The following MYH3 variants were observed in gnomAD, a reference collection of about 807,000 sequenced individuals.
The protein encoded by MYH3 is myosin heavy chain 3, also known as myosin-3.
In MYH3, 130 loss-of-function variants were observed where a neutral mutation model predicts 238.0. That is an observed-to-expected ratio of 0.55 (90% confidence interval 0.47 to 0.63). The LOEUF (loss-of-function observed/expected upper bound fraction) is 0.63. Among genes scored for constraint, MYH3 ranks in the 30% least tolerant of loss-of-function variants. The probability of loss-of-function intolerance (pLI) is 0.00; values close to 1 mark genes in which losing one functional copy is unlikely to be tolerated. For synonymous variants in MYH3, 880 were observed against 924.1 expected (o/e 0.95, Z 0.86); for missense variants, 1,853 against 2,374.9 (o/e 0.78, Z 4.57).
chr17:10,634,704 G>T, intron 31 of MYH3, 136 bp downstream of exon 31: 1 of 1,026,170 alleles, frequency 9.7e-7, no homozygotes, highest in Non-Finnish European at 1.5e-6. Context: ...CTACAGCCCG[G>T]TGAAGTTCAG....
At chr17:10,637,701 C>G in intron 28 of MYH3, 108 bp downstream of exon 28, 1 of 1,458,748 alleles carries the variant, frequency 6.9e-7, no homozygotes, top group Non-Finnish European at 9.5e-7. Flanking sequence ...TGAAAAGATG[C>G]TTCCCTAGAG....
chr17:10,633,834 T>C, intron 32 of MYH3, 119 bp from the exon 33 acceptor site: 1 of 1,512,604 alleles, frequency 6.6e-7, no homozygotes, highest in Admixed American at 1.7e-5. Flanking sequence ...TCCTGCTTCC[T>C]AGAGATAAGA....
Position 10,638,276 on chromosome 17 carries a change from T to C in MYH3, c.3496A>G (p.Lys1166Glu), listed in dbSNP as rs2074235438. 1 of 1,613,822 alleles carries C rather than the reference T, an allele frequency of 6.2e-7. No homozygotes were observed. The highest frequency in any genetic ancestry group is 1.7e-5 in the Admixed American group (1 of 59,998). Residue 1166 changes from lysine (K) to glutamate (E), a missense_variant, in exon 27 of 41, where the codon AAG (lysine) becomes GAG (glutamate). Physicochemically the swap from Lys to Glu is moderately conservative, Grantham distance 56 (BLOSUM62 1). This residue lies in a region of MYH3 where 1,044 missense variants were observed against 1,192.6 expected (regional missense o/e 0.88). Coordinates refer to ENST00000583535, the MANE Select transcript of MYH3 (RefSeq NM_002470.4). ...GVTSTQIELNKKREAEFLKLR... is the reference protein window; with the variant it reads ...GVTSTQIELNEKREAEFLKLR... ...TTCAGGAACTCCGCCTCCCGCTTCT[T>C]GTTGAGCTCTATCTGCGTGGAGGTG...
In MYH3 at chr17:10,639,705, GCT is replaced by G. The variant is rs766768674; in HGVS notation, c.2778_2779del (p.Arg926SerfsTer2). ...AGCATTGATCTCCTCCTCATCTTCA[GCT>G]CTCTCTGTCACCTCCTTGATCTTGG... On this transcript the variant is annotated frameshift_variant, in exon 23 of 41. Coordinates refer to ENST00000583535, the MANE Select transcript of MYH3 (RefSeq NM_002470.4). LOFTEE classifies it high-confidence loss of function. 2 of 1,613,496 alleles carry G rather than the reference GCT, an allele frequency of 1.2e-6. No homozygotes were observed. Among genetic ancestry groups the G allele is most frequent in the Non-Finnish European group, 1.7e-6 (2 of 1,179,972 alleles).
At chr17:10,665,267 C>T in the MYH3 span, among the ~76,000 whole-genome samples, 3,156 of 152,078 alleles carry the variant, frequency 0.021, 115 homozygotes, top group African/African-American at 0.072. Flanking sequence ...CTCAGCCTCC[C>T]GAGTAGCTGG....
chr17:10,637,966 G>A, intron 27 of MYH3, 31 bp from the exon 28 acceptor site: 1 of 1,614,162 alleles, frequency 6.2e-7, no homozygotes, highest in Non-Finnish European at 8.5e-7. Context: ...AGCAAAGTCA[G>A]TCAGCAAAGT....
rs750537659 is a variant in MYH3, at chr17:10,645,876, T to C, written c.1003-31A>G. 7 of 1,613,900 alleles carry C rather than the reference T, an allele frequency of 4.3e-6. No individual in the cohort carries two copies. The Admixed American group carries it at 5.0e-5, about 12-fold the overall frequency. ...ATGGAAAGGGCAGCACGTCAGTCAGTTGGCCCCAGTGATGGAGGAGGAACA... is the reference window on the plus strand; with the variant it reads ...ATGGAAAGGGCAGCACGTCAGTCAGCTGGCCCCAGTGATGGAGGAGGAACA... On this transcript the variant is annotated intron_variant, in intron 11 of 40. Transcript: ENST00000583535.
chr17:10,651,747 G>GTTT lies in MYH3; in HGVS notation c.349-82_349-80dup, dbSNP rs370073463. Reference sequence around the variant, plus strand: ...ACCCCTTGCCTTTATTATTATTATTGTTTTTTTTTTTTTTTGAGACGGAGT... The same window carrying GTTT: ...ACCCCTTGCCTTTATTATTATTATTGTTTTTTTTTTTTTTTTTTGAGACGGAGT... On this transcript the variant is annotated intron_variant, in intron 4 of 40. Transcript: ENST00000583535. The GTTT allele has an allele frequency of 6.0e-3, 4,427 of 740,922 alleles. 7 individuals carry two copies. Among genetic ancestry groups the GTTT allele is most frequent in the South Asian group, 0.017 (541 of 32,462 alleles). 45.9% of individuals were successfully genotyped at this position (740,922 alleles called of 1,614,324 possible).
rs771964735 is a variant in MYH3 at position 10,640,212 on chromosome 17, G to A, written c.2466C>T (p.Phe822=). 9 of 1,614,190 alleles carry A rather than the reference G, an allele frequency of 5.6e-6. No individual in the cohort carries two copies. The highest frequency in any genetic ancestry group is 7.6e-6 in the Non-Finnish European group (9 of 1,180,042). ...IFCIQYNIRS[F]MNVKHWPWMK... The stretch of plus-strand genomic sequence containing the variant: ...TCCAGGGCCAGTGCTTGACGTTCAT[G>A]AATGAGCGAATGTTGTACTGGATGC... Residue 822 remains phenylalanine (F), a synonymous_variant, in exon 22 of 41, where the codon TTC becomes TTT. Transcript: ENST00000583535.
chr17:10,674,973 C>T, the MYH3 span: 1 of 152,314 alleles, frequency 6.6e-6, no homozygotes, highest in South Asian at 2.1e-4. Context: ...TGCTGCTCAC[C>T]ACAGCAGCCA....
At chr17:10,630,489 A>C (rs2074145242) in intron 36 of MYH3, 31 bp from the exon 37 acceptor site, 4 of 1,613,864 alleles carry the variant, frequency 2.5e-6, no homozygotes, top group African/African-American at 1.3e-5. Context: ...GCTAGGATGC[A>C]GAGGAAGCTC....
chr17:10,633,903 G>T, intron 32 of MYH3, 114 bp downstream of exon 32: 1 of 1,479,566 alleles, frequency 6.8e-7, no homozygotes, highest in Non-Finnish European at 9.4e-7. Flanking sequence ...TTCTGCATGT[G>T]CATTAACACA....
intron 28 of MYH3, 41 bp from the exon 29 acceptor site, chr17:10,635,894 CATTCACTCACCAACTTTCT>C: frequency 6.6e-7 from 1 of 1,520,560 alleles, no homozygotes; most frequent in East Asian, 2.3e-5. Context: ...TTTATTCACT[CATTCACTCACCAACTTTCT>C]ATTATGTGTA....
At chr17:10,669,981 C>A in the MYH3 span, among the ~76,000 whole-genome samples, 3 of 152,122 alleles carry the variant, frequency 2.0e-5, no homozygotes, top group Non-Finnish European at 4.4e-5. Flanking sequence ...TGATTTAAGG[C>A]ACAAGAGAGA....
rs2074161250 is a variant in MYH3, at chr17:10,631,798, T to G, written c.5160+15A>C. ...GAGGCTGGAACCTCGCCTCTCTTCC[T>G]CTCCCTCCCCTCACCTGGGTATGCA... On this transcript the variant is annotated intron_variant, in intron 35 of 40. Coordinates refer to ENST00000583535, the MANE Select transcript of MYH3 (RefSeq NM_002470.4). 2 of 1,614,044 alleles carry G rather than the reference T, an allele frequency of 1.2e-6. No individual in the cohort carries two copies. The highest frequency in any genetic ancestry group is 1.7e-6 in the Non-Finnish European group (2 of 1,180,004).
At position 10,655,647 on chromosome 17, in the gene MYH3, T is replaced by A. The variant is rs2074421256; in HGVS notation, c.-9+443A>T. Among the ~76,000 whole-genome samples the A allele has an allele frequency of 2.6e-5, 4 of 152,008 alleles. No individual in the cohort carries two copies. The South Asian group carries it at 8.3e-4, about 32-fold the overall frequency. ...CCCAAATGCCACCTCCTCTCCCGCCTGACCTGTCCTTGCCTTTTTTTTTTG... is the reference window on the plus strand; with the variant it reads ...CCCAAATGCCACCTCCTCTCCCGCCAGACCTGTCCTTGCCTTTTTTTTTTG... On this transcript the variant is annotated intron_variant, in intron 2 of 40. Transcript: ENST00000583535.
chr17:10,632,622 C>A lies in MYH3; in HGVS notation c.4810G>T (p.Ala1604Ser), dbSNP rs201488879. 1 of 1,614,138 alleles carries A rather than the reference C, an allele frequency of 6.2e-7. No homozygotes were observed. The highest frequency in any genetic ancestry group is 1.3e-5 in the African/African-American group (1 of 75,038). Reference sequence around the variant, plus strand: ...GCTTCATTCCTGCTCCGCACCTCGGCGTCCAGGGCGCTCTGCATGGTTTCC... The same window carrying A: ...GCTTCATTCCTGCTCCGCACCTCGGAGTCCAGGGCGCTCTGCATGGTTTCC... ...TVETMQSALDAEVRSRNEAIR... is the reference protein window; with the variant it reads ...TVETMQSALDSEVRSRNEAIR... The change falls in exon 34 of 41, where the codon GCC becomes TCC. Residue 1604 changes from alanine to serine, a missense_variant. By Grantham distance (99) the Ala-to-Ser change is moderately conservative. Around this residue, in one of 3 missense-constraint regions of MYH3, gnomAD observed 1,044 missense variants for 1,192.6 expected, o/e 0.88. Transcript: ENST00000583535.
the MYH3 span, among the ~76,000 whole-genome samples, chr17:10,667,198 TG>T: frequency 6.6e-6 from 1 of 152,210 alleles, no homozygotes; most frequent in Non-Finnish European, 1.5e-5. Flanking sequence ...TCCCTTCCAT[TG>T]GGAAAACCAC....
chr17:10,638,505 G>A, intron 26 of MYH3, 73 bp from the exon 27 acceptor site: 2 of 1,583,836 alleles, frequency 1.3e-6, no homozygotes, highest in Non-Finnish European at 1.7e-6. Flanking sequence ...GAACAGGCTG[G>A]TTTCCCTTCC....
Sources: gnomAD v4.1 joint callset for allele counts (sites outside exome capture counted in the v4.1 genomes callset) on GRCh38, gnomAD v4.1.1 for gene constraint, gnomAD v4.1.1 regional missense constraint, MANE v1.5 for transcripts, NCBI Gene and HGNC (gene_info 2026-07-23, HGNC 2026-07-21) for gene names.